The following KIF24 variants were observed in gnomAD, a reference collection of about 807,000 sequenced individuals.
The protein encoded by KIF24 is kinesin family member 24.
Under a neutral mutation model 118.9 loss-of-function variants are expected in KIF24, and 81 were observed. The observed-to-expected ratio is 0.68, with a 90% confidence interval of 0.57 to 0.82. KIF24 has a LOEUF of 0.82. KIF24 is among the 40% of genes least tolerant of loss of function. The pLI is 0.00. For missense variants in KIF24, 1,560 were observed against 1,661.6 expected (o/e 0.94, Z 1.06); for synonymous variants, 599 against 610.0 (o/e 0.98, Z 0.27).
chr9:34,286,540 T>C (rs1253105539), intron 6 of KIF24, 77 bp downstream of exon 6: 2 of 1,019,910 alleles, frequency 2.0e-6, no homozygotes, highest in African/African-American at 3.1e-5. Context: ...CCACAGTACT[T>C]GCTTAGTAGC....
At chr9:34,325,134 T>A (rs1321332053) in intron 1 of KIF24, among the ~76,000 whole-genome samples, 2 of 151,776 alleles carry the variant, frequency 1.3e-5, no homozygotes, top group Non-Finnish European at 2.9e-5. Context: ...GCCCAGGAGT[T>A]TAAGACCAGC....
intron 4 of KIF24, among the ~76,000 whole-genome samples, chr9:34,290,903 G>C (rs547695997): frequency 7.5e-4 from 113 of 151,446 alleles, no homozygotes; most frequent in African/African-American, 2.6e-3. Context: ...CCCAGCCTGA[G>C]TTTTCTTATA....
At position 34,306,430 on chromosome 9, in the gene KIF24, G is replaced by A. The variant is rs1471415948; in HGVS notation, c.635C>T (p.Ser212Leu). ...CTCAGTCCAAGGATTCTGTTTCTCT[G>A]AAGTGTTCTGTCTAATATGTTTATA... ...IPHSCIRQNT[S>L]EKQNPWTEME... Residue 212 changes from serine (S) to leucine (L), a missense_variant, in exon 3 of 13, where the codon TCA (serine) becomes TTA (leucine). Coordinates refer to ENST00000402558, the MANE Select transcript of KIF24 (RefSeq NM_194313.4). 6.2e-7 allele frequency: 1 copy of A among 1,600,560 alleles called. No individual in the cohort carries two copies. The highest frequency in any genetic ancestry group is 2.2e-5 in the East Asian group (1 of 44,830).
chr9:34,313,154 T>A (rs114674202), intron 1 of KIF24, among the ~76,000 whole-genome samples: 1,576 of 152,346 alleles, frequency 0.01, 32 homozygotes, highest in African/African-American at 0.036. Flanking sequence ...AGTAATGCTA[T>A]GCGACTTCCA....
At chr9:34,291,848 C>CA (rs1256057010) in intron 4 of KIF24, among the ~76,000 whole-genome samples, 1 of 152,022 alleles carries the variant, frequency 6.6e-6, no homozygotes, top group Admixed American at 6.5e-5. Flanking sequence ...ACCCCGAACT[C>CA]ACTAAGCCAA....
At chr9:34,307,155 A>G (rs529129230) in intron 2 of KIF24, among the ~76,000 whole-genome samples, 1 of 152,220 alleles carries the variant, frequency 6.6e-6, no homozygotes, top group East Asian at 1.9e-4. Context: ...TGCAGCCTCA[A>G]CCTCCAGGGT....
chr9:34,282,498 C>A (rs1438570731), intron 6 of KIF24: 1 of 147,868 alleles, frequency 6.8e-6, no homozygotes, highest in Admixed American at 6.8e-5. Context: ...GAATTGTATA[C>A]TTAAAAAAAA....
intron 1 of KIF24, among the ~76,000 whole-genome samples, chr9:34,324,132 GTTAC>G (rs1267041204): frequency 6.6e-6 from 1 of 152,166 alleles, no homozygotes; most frequent in African/African-American, 2.4e-5. Flanking sequence ...TATTAAGTGG[GTTAC>G]TTCCAGAATC....
rs188388157 is a variant in KIF24, at chr9:34,260,350, G to C, written c.1516-645C>G. Among the ~76,000 whole-genome samples the C allele has an allele frequency of 3.6e-3, 550 of 152,028 alleles. 7 individuals carry two copies. The highest frequency in any genetic ancestry group is 0.033 in the Admixed American group (499 of 15,258). The stretch of plus-strand genomic sequence containing the variant: ...AAAAATCTAGGTATCTATAAACAGG[G>C]AACAAACTAAATAATTATACACTGA... On this transcript the variant is annotated intron_variant, in intron 9 of 12. Transcript: ENST00000402558.
rs1837417749 is a variant in KIF24 at position 34,318,807 on chromosome 9, A to G, written c.-25-7436T>C. On this transcript the variant is annotated intron_variant, in intron 1 of 12. Transcript: ENST00000402558. The surrounding 1 kb of genome is among the most constrained non-coding windows in gnomAD (Gnocchi z 4.9). ...ACCTGGAAGCTGTGCAGTCGCCTGT[A>G]GGGACCCAGCTCAGTGAGTTTCGCT... is the stretch of plus-strand genomic sequence containing the variant. The G allele has an allele frequency of 5.0e-5, 79 of 1,564,798 alleles. 2 individuals are homozygous for G. The South Asian group carries it at 8.5e-4, about 17-fold the overall frequency.
intron 1 of KIF24, among the ~76,000 whole-genome samples, chr9:34,325,768 C>T (rs568042424): frequency 6.1e-4 from 93 of 152,232 alleles, no homozygotes; most frequent in African/African-American, 1.9e-3. Context: ...AATATCCCTA[C>T]AGTATATTAA....
chr9:34,254,878 G>A (rs1834760289), intron 12 of KIF24, among the ~76,000 whole-genome samples, 194 bp downstream of exon 12: 1 of 152,158 alleles, frequency 6.6e-6, no homozygotes, highest in Admixed American at 6.5e-5. Flanking sequence ...GGCGAGTGTT[G>A]CACCATCTCC....
At position 34,318,334 on chromosome 9, in the gene KIF24, A is replaced by T; in HGVS notation, c.-25-6963T>A. On this transcript the variant is annotated intron_variant, in intron 1 of 12. Transcript: ENST00000402558. This position sits in a 1 kb window ranked among gnomAD's most constrained non-coding sequence, Gnocchi z 4.9. ...TCCCGTCTTGGAGCCAGCCCAGCCC[A>T]ACCCAGCCCAACCCAGCTTGACCTA... The T allele has an allele frequency of 2.4e-6, 1 of 423,254 alleles. No homozygotes were observed. Among genetic ancestry groups the T allele is most frequent in the Non-Finnish European group, 4.6e-6 (1 of 219,178 alleles). 26.2% of individuals were successfully genotyped at this position (423,254 alleles called of 1,614,324 possible).
chr9:34,302,728 A>T (rs1200852721), intron 3 of KIF24, among the ~76,000 whole-genome samples: 1 of 151,348 alleles, frequency 6.6e-6, no homozygotes, highest in Non-Finnish European at 1.5e-5. Context: ...CATCCTCCCA[A>T]AGTGCTGGGA....
intron 6 of KIF24, among the ~76,000 whole-genome samples, chr9:34,278,587 A>G (rs1302691433): frequency 6.6e-6 from 1 of 151,610 alleles, no homozygotes; most frequent in East Asian, 1.9e-4. Context: ...AAAAAAAAAA[A>G]GGAAGGAAGC....
At chr9:34,254,565 C>T (rs754872900) in intron 12 of KIF24, 45 bp from the exon 13 acceptor site, 9 of 1,588,498 alleles carry the variant, frequency 5.7e-6, no homozygotes, top group Admixed American at 1.7e-5. Flanking sequence ...CTCTTGCTGG[C>T]GCTCTGCCAG....
At chr9:34,306,875 T>A (rs1404463418) in intron 2 of KIF24, among the ~76,000 whole-genome samples, 1 of 152,068 alleles carries the variant, frequency 6.6e-6, no homozygotes, top group Non-Finnish European at 1.5e-5. Context: ...CAAAGTAAAG[T>A]GTCAACCCTG....
At chr9:34,297,548 G>A (rs1375661530) in intron 3 of KIF24, among the ~76,000 whole-genome samples, 1 of 152,112 alleles carries the variant, frequency 6.6e-6, no homozygotes, top group East Asian at 1.9e-4. Flanking sequence ...AGATCACAAG[G>A]TCAGGAGATC....
intron 6 of KIF24, among the ~76,000 whole-genome samples, chr9:34,278,130 C>T (rs1207297908): frequency 2.0e-5 from 3 of 152,054 alleles, no homozygotes; most frequent in Non-Finnish European, 4.4e-5. Flanking sequence ...AAAAATTGGC[C>T]GGGCACGGTG....
Sources: allele counts gnomAD v4.1 joint callset (sites outside exome capture counted in the v4.1 genomes callset), GRCh38; gene constraint gnomAD v4.1.1; non-coding constraint Gnocchi (gnomAD v3.1); transcripts MANE v1.5; gene names NCBI Gene and HGNC (gene_info 2026-07-23, HGNC 2026-07-21).